EPB41L1: variants seen among roughly 807,000 people sequenced by gnomAD.
EPB41L1 encodes band 4.1-like protein 1.
A neutral mutation model predicts 97.8 loss-of-function variants in EPB41L1; 29 were observed. That is an observed-to-expected ratio of 0.30 (90% confidence interval 0.22 to 0.40). The LOEUF (loss-of-function observed/expected upper bound fraction) is 0.40. Among genes scored for constraint, EPB41L1 ranks in the 10% least tolerant of loss-of-function variants. EPB41L1 has a pLI of 1.00. For missense variants in EPB41L1, 812 were observed against 1,162.3 expected (o/e 0.70, Z 4.38); for synonymous variants, 383 against 459.2 (o/e 0.83, Z 2.12).
At chr20:36,145,007 A>G (rs1169714408) in intron 2 of EPB41L1, among the ~76,000 whole-genome samples, 1 of 152,102 alleles carries the variant, frequency 6.6e-6, no homozygotes, top group Non-Finnish European at 1.5e-5. Context: ...CCTAGCCTCT[A>G]TGCTGGCAGA....
At chr20:36,111,219 G>A (rs2058390925) in intron 1 of EPB41L1, among the ~76,000 whole-genome samples, 1 of 152,154 alleles carries the variant, frequency 6.6e-6, no homozygotes, top group Non-Finnish European at 1.5e-5. Context: ...ATTCAAACAG[G>A]TCTGAGTTAC....
At chr20:36,105,729 C>T (rs192684019) in intron 1 of EPB41L1, among the ~76,000 whole-genome samples, 15 of 152,266 alleles carry the variant, frequency 9.9e-5, no homozygotes, top group African/African-American at 3.6e-4. Flanking sequence ...ATGCCCCTAG[C>T]CCCAGATGGT....
chr20:36,221,760 T>A, intron 19 of EPB41L1, 104 bp from the exon 20 acceptor site: 3 of 970,268 alleles, frequency 3.1e-6, no homozygotes, highest in Non-Finnish European at 5.0e-6. Flanking sequence ...AGGTAACTGC[T>A]GGTTCTCAGC....
intron 1 of EPB41L1, among the ~76,000 whole-genome samples, chr20:36,103,429 G>A (rs1400433910): frequency 6.6e-6 from 1 of 152,090 alleles, no homozygotes; most frequent in Non-Finnish European, 1.5e-5. Context: ...ATTGGAGGGA[G>A]GCCAAGTAGG....
chr20:36,155,514 T>C (rs547993851), intron 1 of EPB41L1: 178 of 443,986 alleles, frequency 4.0e-4, no homozygotes, highest in Non-Finnish European at 7.0e-4. Context: ...CCTTCACACT[T>C]GGGGAGGTCC....
At chr20:36,100,225 C>A (rs981401422) in intron 1 of EPB41L1, among the ~76,000 whole-genome samples, 1 of 152,230 alleles carries the variant, frequency 6.6e-6, no homozygotes, top group African/African-American at 2.4e-5. Flanking sequence ...CCTTTCCCCC[C>A]ACACTGGGGA....
chr20:36,194,491 G>A (rs1366774589), intron 12 of EPB41L1, 131 bp downstream of exon 12: 5 of 1,258,624 alleles, frequency 4.0e-6, no homozygotes, highest in African/African-American at 1.5e-5. Context: ...CACCATGGCA[G>A]GGCCTTGCCT....
chr20:36,109,686 T>A (rs2058323683), intron 1 of EPB41L1: 1 of 152,206 alleles, frequency 6.6e-6, no homozygotes, highest in South Asian at 2.1e-4. Context: ...GCTCCTTGGA[T>A]ATTCCTTTCT....
intron 14 of EPB41L1, among the ~76,000 whole-genome samples, chr20:36,199,671 A>G (rs1474191902): frequency 2.0e-5 from 3 of 152,224 alleles, no homozygotes; most frequent in Non-Finnish European, 2.9e-5. Context: ...TGGCACAAGC[A>G]AGACCCTGGG....
At chr20:36,144,736 T>C (rs1020033299) in intron 2 of EPB41L1, among the ~76,000 whole-genome samples, 1 of 152,166 alleles carries the variant, frequency 6.6e-6, no homozygotes, top group African/African-American at 2.4e-5. Context: ...TCTCATTGTA[T>C]ATGGGAGGAA....
At chr20:36,147,186 AAGAT>A (rs1448808750) in intron 2 of EPB41L1, among the ~76,000 whole-genome samples, 3 of 152,162 alleles carry the variant, frequency 2.0e-5, no homozygotes, top group Admixed American at 6.5e-5. Flanking sequence ...AGAGGAAAAA[AAGAT>A]AGAAACAGCT....
chr20:36,125,385 A>G (rs1325548688), intron 2 of EPB41L1: 4 of 708,976 alleles, frequency 5.6e-6, no homozygotes, highest in Non-Finnish European at 1.0e-5. Flanking sequence ...TGCTAGGTTC[A>G]TTTGCATTTC....
chr20:36,135,450 C>T (rs377123728), intron 2 of EPB41L1, among the ~76,000 whole-genome samples: 1 of 152,222 alleles, frequency 6.6e-6, no homozygotes, highest in Non-Finnish European at 1.5e-5. Context: ...GGAATCCCCC[C>T]TCTGCTCACC....
chr20:36,203,785 G>T (rs542512345), intron 14 of EPB41L1, among the ~76,000 whole-genome samples: 48 of 151,988 alleles, frequency 3.2e-4, no homozygotes, highest in African/African-American at 1.1e-3. Flanking sequence ...CTTTTATCTC[G>T]CTTTCCCATG....
intron 19 of EPB41L1, among the ~76,000 whole-genome samples, chr20:36,221,084 C>T (rs1183500395): frequency 6.6e-6 from 1 of 152,230 alleles, no homozygotes; most frequent in African/African-American, 2.4e-5. Context: ...CCACAGCAGA[C>T]AGCTCAGGAA....
rs1226995237 is a variant in EPB41L1 at position 36,092,176 on chromosome 20, C to T, written c.-65+564C>T. ...GAAAAGGGTGGGCGTGGGCCAGGTC[C>T]TGGCTGGAGGTAGACGAGGTCGGCG... On this transcript the variant is annotated intron_variant, in intron 1 of 19. Coordinates refer to the EPB41L1 transcript ENST00000202028. The surrounding 1 kb of genome is among the most constrained non-coding windows in gnomAD (Gnocchi z 7.0). Among the ~76,000 whole-genome samples, 1 of 152,184 alleles carries T rather than the reference C, an allele frequency of 6.6e-6. No homozygotes were observed. The highest frequency in any genetic ancestry group is 1.9e-4 in the East Asian group (1 of 5,170).
rs943494436 is a variant in EPB41L1, at chr20:36,108,179, T to A, written c.-64-4247T>A. Among the ~76,000 whole-genome samples, 13 of 151,942 alleles carry A rather than the reference T, an allele frequency of 8.6e-5. No individual in the cohort carries two copies. In the East Asian group the frequency reaches 2.2e-3, roughly 25 times the overall value. On this transcript the variant is annotated intron_variant, in intron 1 of 19. Transcript: ENST00000202028. ...ATTTTTTGTAGAGACAAGGTCTTGC[T>A]ATGTTGGCCAGGCTGGTCTTGAACT...
At position 36,182,795 on chromosome 20, in the gene EPB41L1, C is replaced by T. The variant is rs73902993; in HGVS notation, c.566+448C>T. Among the ~76,000 whole-genome samples the T allele has an allele frequency of 3.0e-3, 458 of 152,220 alleles. 2 individuals carry two copies. Among genetic ancestry groups the T allele is most frequent in the African/African-American group, 0.011 (437 of 41,524 alleles). ...CATCTCTGGGTGGGACATACCAAACCCATGTAAAAGCTGCTGTGCTGGGTG... is the reference window on the plus strand; with the variant it reads ...CATCTCTGGGTGGGACATACCAAACTCATGTAAAAGCTGCTGTGCTGGGTG... On this transcript the variant is annotated intron_variant, in intron 6 of 21. Coordinates refer to ENST00000338074, the MANE Select transcript of EPB41L1 (RefSeq NM_012156.2).
At chr20:36,220,273 G>C (rs1427396726) in intron 19 of EPB41L1, among the ~76,000 whole-genome samples, 1 of 152,274 alleles carries the variant, frequency 6.6e-6, no homozygotes. Flanking sequence ...CAAAGCAGAA[G>C]AGGGAAGCAG....
Sources: allele counts gnomAD v4.1 joint callset (sites outside exome capture counted in the v4.1 genomes callset), GRCh38; gene constraint gnomAD v4.1.1; non-coding constraint Gnocchi (gnomAD v3.1); transcripts MANE v1.5; gene names NCBI Gene and HGNC (gene_info 2026-07-23, HGNC 2026-07-21).